The following NRXN1 variants were observed in gnomAD, a reference collection of about 807,000 sequenced individuals.
The protein encoded by NRXN1 is neurexin-1.
NRXN1 carries 39 observed loss-of-function variants against 150.9 expected under a neutral mutation model. The ratio of observed to expected loss-of-function variants is 0.26; its 90% confidence interval spans 0.20 to 0.34. The LOEUF is 0.34. NRXN1 is among the 10% of genes least tolerant of loss of function. The pLI is 1.00. For missense variants in NRXN1, 1,815 were observed against 1,949.9 expected, an observed-to-expected ratio of 0.93 and a Z score of 1.30; for synonymous variants, 924 against 757.0, an observed-to-expected ratio of 1.22 and a Z score of -3.62.
rs139725143 is a variant in NRXN1 at position 50,348,322 on chromosome 2, A to T, written c.3365-111352T>A. On this transcript the variant is annotated intron_variant, in intron 17 of 22. Transcript: ENST00000401669. ...AGGGAAAAGGATGCATTAATTTGGC[A>T]GCTGCAGAAGAGGCAGAAAGTGGAA... 1.6e-3 allele frequency among the ~76,000 whole-genome samples: 251 copies of T among 152,348 alleles called. 1 individual carries two copies. Among genetic ancestry groups the T allele is most frequent in the African/African-American group, 5.8e-3 (241 of 41,586 alleles).
At chr2:50,966,343 A>T (rs1694071575) in intron 2 of NRXN1, among the ~76,000 whole-genome samples, 1 of 130,468 alleles carries the variant, frequency 7.7e-6, no homozygotes, top group East Asian at 2.3e-4. Context: ...CAAAAGAGTT[A>T]AAAAAAAAAA....
At chr2:50,656,396 G>A in intron 5 of NRXN1, 3 of 776,722 alleles carry the variant, frequency 3.9e-6, no homozygotes, top group South Asian at 1.3e-5. Flanking sequence ...CATGAAAGTG[G>A]TCTGAAGAAG....
intron 21 of NRXN1, among the ~76,000 whole-genome samples, chr2:49,996,724 A>G (rs1449911228): frequency 6.6e-6 from 1 of 152,200 alleles, no homozygotes; most frequent in Non-Finnish European, 1.5e-5. Flanking sequence ...AGACAAGGTA[A>G]CATATTCTCC....
intron 17 of NRXN1, among the ~76,000 whole-genome samples, chr2:50,308,781 G>C (rs2074897362): frequency 6.6e-6 from 1 of 152,164 alleles, no homozygotes; most frequent in Non-Finnish European, 1.5e-5. Flanking sequence ...CATCATACAT[G>C]ATGCTAAAGA....
At chr2:50,575,276 CA>C (rs35567472) in intron 8 of NRXN1, among the ~76,000 whole-genome samples, 2 of 152,152 alleles carry the variant, frequency 1.3e-5, no homozygotes, top group African/African-American at 4.8e-5. Flanking sequence ...AAGTGTGACA[CA>C]AAATGAATGA....
At chr2:50,353,138 G>C (rs1205080826) in intron 17 of NRXN1, among the ~76,000 whole-genome samples, 1 of 152,134 alleles carries the variant, frequency 6.6e-6, no homozygotes, top group Non-Finnish European at 1.5e-5. Context: ...TTCAAGTCAA[G>C]ATTGGTTGTG....
chr2:50,147,151 G>C (rs1384571569), intron 18 of NRXN1, among the ~76,000 whole-genome samples: 1 of 151,726 alleles, frequency 6.6e-6, no homozygotes, highest in East Asian at 1.9e-4. Flanking sequence ...GGAGGTCAGA[G>C]TTTCAGCAAG....
intron 18 of NRXN1, among the ~76,000 whole-genome samples, chr2:50,233,970 G>A (rs2065191325): frequency 6.6e-6 from 1 of 151,976 alleles, no homozygotes; most frequent in Non-Finnish European, 1.5e-5. Flanking sequence ...GCATTATCTT[G>A]TGTTGCTTTG....
intron 21 of NRXN1, among the ~76,000 whole-genome samples, chr2:49,962,795 A>C (rs1253899727): frequency 6.6e-6 from 1 of 152,080 alleles, no homozygotes; most frequent in East Asian, 1.9e-4. Context: ...TTTACTAAAA[A>C]TACAAAAATT....
chr2:50,765,733 A>G (rs956847701), intron 5 of NRXN1, among the ~76,000 whole-genome samples: 8 of 152,064 alleles, frequency 5.3e-5, no homozygotes, highest in African/African-American at 1.4e-4. Flanking sequence ...GAAAATCTGA[A>G]TATCAAAGCA....
At chr2:50,992,059 C>T (rs183545406) in intron 2 of NRXN1, among the ~76,000 whole-genome samples, 5 of 152,034 alleles carry the variant, frequency 3.3e-5, no homozygotes, top group Admixed American at 3.3e-4. Context: ...TTAGAAGCCA[C>T]CCAGTTTCTG....
chr2:50,552,487 G>T, intron 9 of NRXN1, 100 bp downstream of exon 9: 2 of 839,052 alleles, frequency 2.4e-6, no homozygotes, highest in South Asian at 3.4e-5. Context: ...AGAAACAAAT[G>T]CAGGAAGTCT....
At chr2:50,627,841 G>A (rs763175403) in intron 5 of NRXN1, among the ~76,000 whole-genome samples, 16 of 151,626 alleles carry the variant, frequency 1.1e-4, no homozygotes, top group Non-Finnish European at 2.2e-4. Context: ...CTAGGATTCA[G>A]ACTACTAATC....
intron 5 of NRXN1, among the ~76,000 whole-genome samples, chr2:50,689,807 T>C (rs545831004): frequency 1.1e-4 from 16 of 152,262 alleles, no homozygotes; most frequent in African/African-American, 3.6e-4. Flanking sequence ...CTTCCAACTT[T>C]ATAAGCCCAT....
intron 5 of NRXN1, among the ~76,000 whole-genome samples, chr2:50,658,451 G>A (rs1412020868): frequency 2.1e-5 from 1 of 47,102 alleles, no homozygotes; most frequent in African/African-American, 1.1e-4. Flanking sequence ...TGAGGCAGGG[G>A]AGCAATTACA....
In NRXN1 at chr2:50,346,956, G is replaced by A. The variant is rs1246075016; in HGVS notation, c.3365-109986C>T. The A allele has an allele frequency of 2.9e-6, 4 of 1,368,486 alleles. No individual in the cohort carries two copies. Among genetic ancestry groups the A allele is most frequent in the Non-Finnish European group, 3.8e-6 (4 of 1,060,672 alleles). 84.8% of individuals were successfully genotyped at this position (1,368,486 alleles called of 1,614,324 possible). Reference sequence around the variant, plus strand: ...GGAGCATCCTCTGGTACATGGCGGGGCGCCCGCCGAGGGGCAGCCGCCGCG... The same window carrying A: ...GGAGCATCCTCTGGTACATGGCGGGACGCCCGCCGAGGGGCAGCCGCCGCG... On this transcript the variant is annotated intron_variant, in intron 17 of 22. Transcript: ENST00000401669. The surrounding 1 kb of genome is among the most constrained non-coding windows in gnomAD (Gnocchi z 5.0).
intron 12 of NRXN1, among the ~76,000 whole-genome samples, chr2:50,521,376 T>C (rs1007490961): frequency 6.6e-6 from 1 of 152,164 alleles, no homozygotes; most frequent in African/African-American, 2.4e-5. Flanking sequence ...TCCACAATTG[T>C]ATGAATGATG....
chr2:50,422,998 A>G (rs1343976731), intron 17 of NRXN1, among the ~76,000 whole-genome samples: 1 of 152,212 alleles, frequency 6.6e-6, no homozygotes, highest in African/African-American at 2.4e-5. Flanking sequence ...CTGGCCAAAT[A>G]AAACCCAAAG....
intron 21 of NRXN1, among the ~76,000 whole-genome samples, chr2:49,951,717 A>G (rs1673991404): frequency 6.6e-6 from 1 of 152,062 alleles, no homozygotes; most frequent in Non-Finnish European, 1.5e-5. Context: ...TAGTCCTATT[A>G]TGGATTAGTC....
Sources: allele counts gnomAD v4.1 joint callset (sites outside exome capture counted in the v4.1 genomes callset), GRCh38; gene constraint gnomAD v4.1.1; non-coding constraint Gnocchi (gnomAD v3.1); transcripts MANE v1.5; gene names NCBI Gene and HGNC (gene_info 2026-07-23, HGNC 2026-07-21).